The following KDM4B variants were observed in gnomAD, a reference collection of about 807,000 sequenced individuals.
KDM4B encodes the protein lysine demethylase 4B.
A neutral mutation model predicts 125.2 loss-of-function variants in KDM4B; 32 were observed. That is an observed-to-expected ratio of 0.26 (90% CI 0.19 to 0.34). KDM4B has a LOEUF of 0.34. KDM4B is among the 10% of genes least tolerant of loss of function. The probability of loss-of-function intolerance (pLI) is 1.00; values close to 1 mark genes in which losing one functional copy is unlikely to be tolerated. For missense variants in KDM4B, 1,190 were observed against 1,577.7 expected (o/e 0.75, Z 4.16); for synonymous variants, 721 against 677.9 (o/e 1.06, Z -0.99).
chr19:5,011,843 T>A (rs754501066), intron 1 of KDM4B, among the ~76,000 whole-genome samples: 2 of 152,184 alleles, frequency 1.3e-5, no homozygotes, highest in Admixed American at 1.3e-4. Flanking sequence ...GGGGCCAAGT[T>A]CTGTGGTCCT....
At position 4,992,779 on chromosome 19, in the gene KDM4B, T is replaced by G. The variant is rs188640644; in HGVS notation, c.-108-23478T>G. Among the ~76,000 whole-genome samples, 62 of 152,322 alleles carry G rather than the reference T, an allele frequency of 4.1e-4. 1 individual carries two copies. Among genetic ancestry groups the G allele is most frequent in the Admixed American group, 3.5e-3 (54 of 15,306 alleles). ...CTATAAGTTTTACTTTGTTGTGAGT[T>G]CATTTTCATTCACCTCAAAATATTT... On this transcript the variant is annotated intron_variant, in intron 1 of 22. Coordinates refer to ENST00000159111, the MANE Select transcript of KDM4B (RefSeq NM_015015.3).
At chr19:5,101,378 A>C (rs2613745) in intron 9 of KDM4B, among the ~76,000 whole-genome samples, 2 of 150,706 alleles carry the variant, frequency 1.3e-5, no homozygotes, top group African/African-American at 4.9e-5. Flanking sequence ...CAAGTGAGGG[A>C]CTAGGTGCAG....
At chr19:5,144,959 C>A (rs569187850) in intron 21 of KDM4B, 57 bp downstream of exon 21, 1 of 1,607,004 alleles carries the variant, frequency 6.2e-7, no homozygotes, top group Non-Finnish European at 8.5e-7. Context: ...CTTGTAGGTG[C>A]GGGGACAGGA....
At chr19:5,079,900 C>T (rs2038234776) in intron 8 of KDM4B, among the ~76,000 whole-genome samples, 2 of 152,142 alleles carry the variant, frequency 1.3e-5, no homozygotes, top group South Asian at 4.1e-4. Context: ...AGCCCCAAAC[C>T]TTAATTTTAT....
intron 1 of KDM4B, among the ~76,000 whole-genome samples, chr19:4,975,473 G>T (rs1181725308): frequency 6.6e-6 from 1 of 152,088 alleles, no homozygotes; most frequent in Non-Finnish European, 1.5e-5. Context: ...ACCTGGCTAG[G>T]GTGTGAGGGC....
intron 1 of KDM4B, among the ~76,000 whole-genome samples, chr19:4,988,830 C>A (rs982363529): frequency 1.3e-5 from 2 of 152,168 alleles, no homozygotes; most frequent in African/African-American, 4.8e-5. Flanking sequence ...AGCTTCCTCG[C>A]AGAGGCTTGG....
At chr19:4,969,617 G>A (rs1599319597) in intron 1 of KDM4B, among the ~76,000 whole-genome samples, 1 of 151,862 alleles carries the variant, frequency 6.6e-6, no homozygotes, top group East Asian at 1.9e-4. Context: ...ACAAGCCTCG[G>A]CCTATTATTA....
chr19:5,097,556 G>T (rs2145938845), intron 9 of KDM4B, among the ~76,000 whole-genome samples: 1 of 152,338 alleles, frequency 6.6e-6, no homozygotes, highest in South Asian at 2.1e-4. Flanking sequence ...CCTGGCCTGT[G>T]CAGGCCTTGG....
rs2039977104 is a variant in KDM4B at position 5,153,203 on chromosome 19, CG to C, written c.*1696del. 2 of 68,542 alleles carry C rather than the reference CG, an allele frequency of 2.9e-5. No homozygotes were observed. The highest frequency in any genetic ancestry group is 5.6e-5 in the African/African-American group (1 of 17,772). 4.2% of individuals were successfully genotyped at this position (68,542 alleles called of 1,614,324 possible). On this transcript the variant is annotated 3_prime_UTR_variant, in exon 23 of 23. Coordinates refer to ENST00000159111, the MANE Select transcript of KDM4B (RefSeq NM_015015.3). ...CGGTTGCCCTGGAGAGGGCCGGGGT[CG>C]GGGAGGTTGGGGGGTGTCAGCCAAA...
rs145810324 is a variant in KDM4B, at chr19:4,972,774, C to T, written c.-109+3544C>T. ...TGACTCCTATTTGCAAACTGTGTCCCGGACACACTCCTCACCTGGTTGTTC... is the reference window on the plus strand; with the variant it reads ...TGACTCCTATTTGCAAACTGTGTCCTGGACACACTCCTCACCTGGTTGTTC... On this transcript the variant is annotated intron_variant, in intron 1 of 22. Transcript: ENST00000159111. Among the ~76,000 whole-genome samples the T allele has an allele frequency of 1.8e-4, 27 of 152,304 alleles. No homozygotes were observed. The East Asian group carries it at 4.6e-3, about 26-fold the overall frequency.
At chr19:5,054,646 C>G (rs560126079) in intron 6 of KDM4B, among the ~76,000 whole-genome samples, 1 of 152,228 alleles carries the variant, frequency 6.6e-6, no homozygotes, top group Non-Finnish European at 1.5e-5. Flanking sequence ...CTGGACTTTA[C>G]CCACTTAGCT....
intron 9 of KDM4B, among the ~76,000 whole-genome samples, chr19:5,108,197 C>T (rs1005957097): frequency 2.6e-5 from 4 of 152,226 alleles, no homozygotes; most frequent in African/African-American, 4.8e-5. Flanking sequence ...AATTGCAAAG[C>T]CGCTCAATAC....
chr19:5,139,542 C>A (rs764297290), intron 18 of KDM4B, among the ~76,000 whole-genome samples: 2 of 152,240 alleles, frequency 1.3e-5, no homozygotes, highest in Non-Finnish European at 2.9e-5. Flanking sequence ...ATCCGCACCC[C>A]CCGGGTGCAG....
At position 5,070,982 on chromosome 19, in the gene KDM4B, C is replaced by T. The variant is rs767486298; in HGVS notation, c.627-28C>T. 1.9e-6 allele frequency: 3 copies of T among 1,613,182 alleles called. No individual in the cohort carries two copies. The South Asian group carries it at 3.3e-5, about 18-fold the overall frequency. The stretch of plus-strand genomic sequence containing the variant: ...CCTTGCGTGGCTGCCACCGATCTTG[C>T]CTCTGACGTGCCTCCCTTCTCTCGC... On this transcript the variant is annotated intron_variant, in intron 6 of 22. Transcript: ENST00000159111.
chr19:5,030,650 G>C (rs918503533), intron 2 of KDM4B, among the ~76,000 whole-genome samples: 1 of 152,266 alleles, frequency 6.6e-6, no homozygotes, highest in African/African-American at 2.4e-5. Flanking sequence ...CAAAGCGCAG[G>C]GGGAGACTCA....
chr19:5,043,606 CCTG>C (rs1325321049), intron 5 of KDM4B, among the ~76,000 whole-genome samples: 1 of 147,986 alleles, frequency 6.8e-6, no homozygotes, highest in African/African-American at 2.6e-5. Context: ...TCCACCATAT[CCTG>C]CGTGGGGTTT....
At chr19:5,150,213 A>G (rs1463360793) in intron 21 of KDM4B, 145 bp from the exon 22 acceptor site, 15 of 614,124 alleles carry the variant, frequency 2.4e-5, no homozygotes, top group Middle Eastern at 4.1e-4. Flanking sequence ...AGAGGTGGAC[A>G]TGAGCTTCAG....
chr19:5,047,191 G>A (rs2037053069), intron 5 of KDM4B: 1 of 397,278 alleles, frequency 2.5e-6, no homozygotes, highest in African/African-American at 2.0e-5. Context: ...ATAGTCCCAG[G>A]TACTCAGGAG....
intron 6 of KDM4B, 200 bp from the exon 7 acceptor site, chr19:5,070,810 C>G (rs375735540): frequency 3.7e-5 from 20 of 534,922 alleles, no homozygotes; most frequent in African/African-American, 3.1e-4. Context: ...GCTCCTCCAC[C>G]TGCCCCACCT....
Sources: allele counts gnomAD v4.1 joint callset (sites outside exome capture counted in the v4.1 genomes callset), GRCh38; gene constraint gnomAD v4.1.1; transcripts MANE v1.5; gene names NCBI Gene and HGNC (gene_info 2026-07-23, HGNC 2026-07-21).